The following IKZF3 variants were observed in gnomAD, a reference collection of about 807,000 sequenced individuals.
IKZF3 encodes IKAROS family zinc finger 3.
Under a neutral mutation model 49.0 loss-of-function variants are expected in IKZF3, and 10 were observed. The ratio of observed to expected loss-of-function variants is 0.20; its 90% CI spans 0.13 to 0.35. IKZF3 has a LOEUF of 0.35. Among genes scored for constraint, IKZF3 ranks in the 10% least tolerant of loss-of-function variants. The pLI is 1.00. For missense variants in IKZF3, 498 were observed against 664.8 expected (o/e 0.75, Z 2.76); for synonymous variants, 209 against 228.2 (o/e 0.92, Z 0.76).
intron 1 of IKZF3, among the ~76,000 whole-genome samples, chr17:39,841,524 T>C (rs1801648257): frequency 1.3e-5 from 2 of 152,088 alleles, no homozygotes; most frequent in Middle Eastern, 3.4e-3. Flanking sequence ...CAGTACGGGA[T>C]TATCAAAACC....
chr17:39,820,610 CTTTGTTTTGT>C (rs1033204523), intron 3 of IKZF3, among the ~76,000 whole-genome samples: 1 of 152,190 alleles, frequency 6.6e-6, no homozygotes, highest in Non-Finnish European at 1.5e-5. Flanking sequence ...TATTGTTTTG[CTTTGTTTTGT>C]TTTGTTTTGT....
intron 3 of IKZF3, among the ~76,000 whole-genome samples, chr17:39,818,687 G>A (rs1052812948): frequency 4.0e-5 from 6 of 151,882 alleles, no homozygotes; most frequent in African/African-American, 1.2e-4. Context: ...GTAAAACCCC[G>A]TCTCTCCTAA....
At chr17:39,791,245 A>T (rs892280581) in intron 5 of IKZF3, among the ~76,000 whole-genome samples, 171 bp downstream of exon 5, 5 of 152,114 alleles carry the variant, frequency 3.3e-5, no homozygotes, top group Non-Finnish European at 7.4e-5. Flanking sequence ...GCAGACGGAG[A>T]GCAATTAGTG....
At chr17:39,854,121 G>A (rs1021674499) in intron 1 of IKZF3, among the ~76,000 whole-genome samples, 4 of 152,006 alleles carry the variant, frequency 2.6e-5, no homozygotes, top group Non-Finnish European at 5.9e-5. Flanking sequence ...GCAAGACTCC[G>A]TCTCAAACAA....
At chr17:39,848,931 C>A (rs2062713224) in intron 1 of IKZF3, among the ~76,000 whole-genome samples, 1 of 152,158 alleles carries the variant, frequency 6.6e-6, no homozygotes, top group African/African-American at 2.4e-5. Flanking sequence ...GATCCTCCCG[C>A]TTTACCCTCC....
At chr17:39,766,670 C>T (rs957955008) in intron 7 of IKZF3, among the ~76,000 whole-genome samples, 177 bp from the exon 8 acceptor site, 2 of 152,078 alleles carry the variant, frequency 1.3e-5, no homozygotes, top group Non-Finnish European at 1.5e-5. Flanking sequence ...TCGGCAGCAA[C>T]GTGTTTGGAT....
intron 1 of IKZF3, among the ~76,000 whole-genome samples, chr17:39,832,493 A>G (rs1216416570): frequency 7.0e-6 from 1 of 142,110 alleles, no homozygotes; most frequent in East Asian, 1.9e-4. Context: ...TCAAAGTGGT[A>G]TATATATATA....
chr17:39,792,685 G>A lies in IKZF3; in HGVS notation c.412C>T (p.Arg138Ter), dbSNP rs572431209. The A allele has an allele frequency of 6.2e-7, 1 of 1,613,812 alleles. No homozygotes were observed. The highest frequency in any genetic ancestry group is 8.5e-7 in the Non-Finnish European group (1 of 1,179,810). The change falls in exon 4 of 8, where the codon CGA (arginine) becomes TGA (stop). Residue 138 changes from arginine (R) to a stop codon, truncating the protein, a stop_gained. Transcript: ENST00000346872. LOFTEE classifies it high-confidence loss of function. ...GCAGACTATTTACCAGTATGGCTTC[G>A]CTTATGAACCATTAAGACATTGAAG... The part of the protein sequence containing the change: ...ISFNVLMVHK[R>*]SHTGERPFQC...
intron 1 of IKZF3, among the ~76,000 whole-genome samples, chr17:39,863,482 A>T (rs2063271568): frequency 6.6e-6 from 1 of 152,176 alleles, no homozygotes; most frequent in Non-Finnish European, 1.5e-5. Flanking sequence ...AAGACCATTG[A>T]AGAGTTTACA....
In IKZF3 at chr17:39,850,365, TTA is replaced by T. The variant is rs1421439494; in HGVS notation, c.7+13753_7+13754del. Among the ~76,000 whole-genome samples, 247 of 127,482 alleles carry T rather than the reference TTA, an allele frequency of 1.9e-3. 1 individual carries two copies. The highest frequency in any genetic ancestry group is 8.1e-3 in the African/African-American group (233 of 28,840). The allele number at this position is 127,482 out of a possible 152,430, so 83.6% of individuals were successfully genotyped here. ...ACATGTACATATAATATATAGCATA[TTA>T]TATATGTATATATAATATATAGCAT... On this transcript the variant is annotated intron_variant, in intron 1 of 7. Coordinates refer to ENST00000346872, the MANE Select transcript of IKZF3 (RefSeq NM_012481.5).
At chr17:39,847,497 G>C (rs906948015) in intron 1 of IKZF3, among the ~76,000 whole-genome samples, 2 of 152,000 alleles carry the variant, frequency 1.3e-5, no homozygotes, top group African/African-American at 4.8e-5. Flanking sequence ...AAATGTAGCT[G>C]AACTCAAATT....
intron 1 of IKZF3, among the ~76,000 whole-genome samples, chr17:39,836,299 T>C (rs1156449310): frequency 6.6e-6 from 1 of 151,972 alleles, no homozygotes; most frequent in African/African-American, 2.4e-5. Flanking sequence ...TGCTGCCCAC[T>C]TGGGAGAAGC....
chr17:39,810,632 AAC>A (rs1461213395), intron 3 of IKZF3, among the ~76,000 whole-genome samples: 1 of 151,458 alleles, frequency 6.6e-6, no homozygotes, highest in African/African-American at 2.4e-5. Context: ...AAAAAAAAAA[AAC>A]CCAATAAAAT....
At chr17:39,770,003 T>A (rs1020021746) in intron 7 of IKZF3, among the ~76,000 whole-genome samples, 1 of 152,178 alleles carries the variant, frequency 6.6e-6, no homozygotes, top group African/African-American at 2.4e-5. Flanking sequence ...GTTAAGGAGA[T>A]GGGGCAGCCT....
At chr17:39,859,281 TCAAA>T (rs1188531386) in intron 1 of IKZF3, among the ~76,000 whole-genome samples, 7 of 151,766 alleles carry the variant, frequency 4.6e-5, no homozygotes, top group East Asian at 3.8e-4. Flanking sequence ...AGATTACTTT[TCAAA>T]CAATCTATAT....
intron 3 of IKZF3, among the ~76,000 whole-genome samples, chr17:39,823,025 G>C (rs1020853933): frequency 6.6e-6 from 1 of 152,162 alleles, no homozygotes; most frequent in African/African-American, 2.4e-5. Context: ...AGTTTGGAGG[G>C]CTCAGAAGAA....
chr17:39,763,834 T>TTTTGTTTTTGTTTG lies in IKZF3; in HGVS notation c.*1942_*1955dup, dbSNP rs1315107474. The stretch of plus-strand genomic sequence containing the variant: ...TTTATGGATGAGGAAACTGAGTTTT[T>TTTTGTTTTTGTTTG]TTTGTTTTTGTTTGTTTGTTTTTGT... On this transcript the variant is annotated 3_prime_UTR_variant, in exon 8 of 8. Transcript: ENST00000346872. The TTTTGTTTTTGTTTG allele has an allele frequency of 6.6e-6, 1 of 152,110 alleles. No individual in the cohort carries two copies. The highest frequency in any genetic ancestry group is 2.4e-5 in the African/African-American group (1 of 41,390). The allele number at this position is 152,110 out of a possible 1,614,324, so 9.4% of individuals were successfully genotyped here.
intron 6 of IKZF3, among the ~76,000 whole-genome samples, chr17:39,787,054 A>G (rs1264953514): frequency 2.0e-5 from 3 of 152,176 alleles, no homozygotes; most frequent in Non-Finnish European, 4.4e-5. Context: ...ATCTTTTTGT[A>G]ACTTTTCTGT....
At chr17:39,793,440 A>G (rs555287302) in intron 3 of IKZF3, among the ~76,000 whole-genome samples, 16 of 152,342 alleles carry the variant, frequency 1.1e-4, no homozygotes, top group South Asian at 2.1e-4. Context: ...TAAGCCATGC[A>G]TTGCCTCTTC....
Sources: allele counts gnomAD v4.1 joint callset (sites outside exome capture counted in the v4.1 genomes callset), GRCh38; gene constraint gnomAD v4.1.1; transcripts MANE v1.5; gene names NCBI Gene and HGNC (gene_info 2026-07-23, HGNC 2026-07-21).